B3GALT1: variants seen among roughly 807,000 people sequenced by gnomAD.
B3GALT1 encodes the protein beta-1,3-galactosyltransferase 1.
In B3GALT1, 10 loss-of-function variants were observed where a neutral mutation model predicts 23.2. The ratio of observed to expected loss-of-function variants is 0.43; its 90% CI spans 0.27 to 0.73. The LOEUF (loss-of-function observed/expected upper bound fraction) is 0.73. Ranked by LOEUF, B3GALT1 falls within the 30% of genes least tolerant of loss-of-function variation. B3GALT1 has a pLI of 0.21. For synonymous variants in B3GALT1, 156 were observed against 141.5 expected (o/e 1.10, Z -0.73); for missense variants, 299 against 405.4 (o/e 0.74, Z 2.25).
intron 1 of B3GALT1, among the ~76,000 whole-genome samples, chr2:167,328,726 A>T (rs2617377): frequency 6.6e-6 from 1 of 152,162 alleles, no homozygotes; most frequent in East Asian, 1.9e-4. Flanking sequence ...TTCATTATTT[A>T]TTTCCTTCTG....
intron 1 of B3GALT1, among the ~76,000 whole-genome samples, chr2:167,294,216 G>T (rs1343470806): frequency 6.6e-6 from 1 of 152,182 alleles, no homozygotes; most frequent in African/African-American, 2.4e-5. Flanking sequence ...CCCAGGTTGA[G>T]ACCCGGCCTG....
At chr2:167,438,444 G>C (rs934022996) in intron 1 of B3GALT1, among the ~76,000 whole-genome samples, 1 of 152,220 alleles carries the variant, frequency 6.6e-6, no homozygotes, top group African/African-American at 2.4e-5. Context: ...TTTAAAGAAC[G>C]CATGTTCCCT....
intron 4 of B3GALT1, among the ~76,000 whole-genome samples, chr2:167,855,879 C>T (rs994780442): frequency 6.6e-6 from 1 of 152,086 alleles, no homozygotes; most frequent in Non-Finnish European, 1.5e-5. Context: ...TCTTAGAAAA[C>T]TCACCTATAC....
chr2:167,610,910 C>CA (rs67057122), intron 2 of B3GALT1, among the ~76,000 whole-genome samples: 2,406 of 91,934 alleles, frequency 0.026, 125 homozygotes, highest in African/African-American at 0.07. Flanking sequence ...TTTATTTGTA[C>CA]AAAAAAAAAA....
intron 2 of B3GALT1, among the ~76,000 whole-genome samples, chr2:167,540,265 C>A (rs979503458): frequency 2.6e-5 from 4 of 152,130 alleles, no homozygotes; most frequent in African/African-American, 9.7e-5. Context: ...TGCACCTGTT[C>A]CTACTCCAAA....
intron 1 of B3GALT1, among the ~76,000 whole-genome samples, chr2:167,459,175 G>GT (rs558989982): frequency 6.4e-4 from 98 of 152,056 alleles, no homozygotes; most frequent in African/African-American, 2.2e-3. Context: ...ATATACATTA[G>GT]TTTTTTTATT....
chr2:167,488,708 T>A (rs533121221), intron 1 of B3GALT1, among the ~76,000 whole-genome samples: 1 of 152,316 alleles, frequency 6.6e-6, no homozygotes, highest in Non-Finnish European at 1.5e-5. Flanking sequence ...AGATAGAGAA[T>A]TTTTTCATTA....
intron 1 of B3GALT1, among the ~76,000 whole-genome samples, chr2:167,370,468 A>G (rs775543139): frequency 6.6e-6 from 1 of 152,182 alleles, no homozygotes; most frequent in Non-Finnish European, 1.5e-5. Context: ...TGAAGATGAT[A>G]CAGCCTTGCC....
At chr2:167,433,324 T>G (rs574603421) in intron 1 of B3GALT1, among the ~76,000 whole-genome samples, 1 of 152,324 alleles carries the variant, frequency 6.6e-6, no homozygotes, top group South Asian at 2.1e-4. Flanking sequence ...CATAGTTTAT[T>G]TATCTGTTAA....
At chr2:167,500,635 G>A (rs1460157950) in intron 2 of B3GALT1, among the ~76,000 whole-genome samples, 4 of 149,770 alleles carry the variant, frequency 2.7e-5, no homozygotes, top group Non-Finnish European at 3.0e-5. Context: ...GACTTATAAG[G>A]AAAAAAAAAA....
intron 2 of B3GALT1, among the ~76,000 whole-genome samples, chr2:167,530,596 C>G (rs528526662): frequency 1.3e-5 from 2 of 152,216 alleles, no homozygotes; most frequent in Non-Finnish European, 2.9e-5. Context: ...TGCCATAAAA[C>G]AGCTATTAAA....
intron 2 of B3GALT1, among the ~76,000 whole-genome samples, chr2:167,539,410 C>G (rs1012838972): frequency 6.6e-6 from 1 of 152,082 alleles, no homozygotes; most frequent in African/African-American, 2.4e-5. Context: ...ATACATCTAG[C>G]AAAGGTGAGA....
At chr2:167,692,930 A>G (rs945461288) in intron 3 of B3GALT1, among the ~76,000 whole-genome samples, 4 of 152,094 alleles carry the variant, frequency 2.6e-5, no homozygotes, top group African/African-American at 7.2e-5. Context: ...CAGATATGCA[A>G]TTCAGGCCAA....
Position 167,727,147 on chromosome 2 carries a change from C to T in B3GALT1, c.-352+80181C>T, listed in dbSNP as rs143903968. Among the ~76,000 whole-genome samples the T allele has an allele frequency of 2.8e-3, 426 of 151,106 alleles. 3 individuals are homozygous for T. Among genetic ancestry groups the T allele is most frequent in the African/African-American group, 9.5e-3 (385 of 40,446 alleles). On this transcript the variant is annotated intron_variant, in intron 3 of 4. Transcript: ENST00000392690. The stretch of plus-strand genomic sequence containing the variant: ...AGATACCATTAATGTCACAGAGCCC[C>T]GTAGCCAAAACGAAGGACAGTTTTG...
At chr2:167,443,763 T>C (rs1338503950) in intron 1 of B3GALT1, among the ~76,000 whole-genome samples, 1 of 152,226 alleles carries the variant, frequency 6.6e-6, no homozygotes, top group South Asian at 2.1e-4. Context: ...TAAGGAGATT[T>C]TGGGCTGAGA....
chr2:167,303,218 G>A lies in B3GALT1; in HGVS notation c.-511+9884G>A, dbSNP rs1435856998. On this transcript the variant is annotated intron_variant, in intron 1 of 4. Coordinates refer to ENST00000392690, the MANE Select transcript of B3GALT1 (RefSeq NM_020981.4). ...AACATAAGGTAGGGCCAACTTTGTA[G>A]TTATTTTTTCCTTTTGTGAAATTTA... is the stretch of plus-strand genomic sequence containing the variant. Among the ~76,000 whole-genome samples, 4 of 152,092 alleles carry A rather than the reference G, an allele frequency of 2.6e-5. No individual in the cohort carries two copies. In the East Asian group the frequency reaches 5.8e-4, roughly 22 times the overall value.
chr2:167,803,101 C>CACACAG (rs1159040503), intron 3 of B3GALT1, among the ~76,000 whole-genome samples: 1 of 150,648 alleles, frequency 6.6e-6, no homozygotes, highest in Admixed American at 6.6e-5. Context: ...CACACACACA[C>CACACAG]ACACACACAC....
chr2:167,426,350 A>G (rs909199813), intron 1 of B3GALT1, among the ~76,000 whole-genome samples: 98 of 151,610 alleles, frequency 6.5e-4, no homozygotes, highest in African/African-American at 2.3e-3. Flanking sequence ...TCTTGGCTCA[A>G]TACAACCTCC....
chr2:167,616,000 T>C (rs1685154527), intron 2 of B3GALT1, among the ~76,000 whole-genome samples: 1 of 152,088 alleles, frequency 6.6e-6, no homozygotes, highest in Non-Finnish European at 1.5e-5. Flanking sequence ...CCACTCAACA[T>C]TTATGAGTTA....
Sources: allele counts gnomAD v4.1 joint callset (sites outside exome capture counted in the v4.1 genomes callset), GRCh38; gene constraint gnomAD v4.1.1; transcripts MANE v1.5; gene names NCBI Gene and HGNC (gene_info 2026-07-23, HGNC 2026-07-21).